LAMA2: variants seen among roughly 807,000 people sequenced by gnomAD.
LAMA2 encodes the protein laminin subunit alpha-2.
A neutral mutation model predicts 364.8 loss-of-function variants in LAMA2; 269 were observed. The observed-to-expected ratio is 0.74, with a 90% CI of 0.67 to 0.82. LAMA2 has a LOEUF of 0.82. Ranked by LOEUF, LAMA2 falls within the 40% of genes least tolerant of loss-of-function variation. The pLI is 0.00. For missense variants in LAMA2, 3,807 were observed against 3,873.2 expected (o/e 0.98, Z 0.45); for synonymous variants, 1,379 against 1,370.6 (o/e 1.01, Z -0.14).
Position 129,383,135 on chromosome 6 carries a change from C to G in LAMA2, c.4973C>G (p.Thr1658Arg), listed in dbSNP as rs757751668. The G allele has an allele frequency of 6.2e-7, 1 of 1,613,572 alleles. No individual in the cohort carries two copies. The highest frequency in any genetic ancestry group is 8.5e-7 in the Non-Finnish European group (1 of 1,179,744). The change falls in exon 35 of 65, where the codon ACA becomes AGA. Residue 1658 changes from threonine to arginine, a missense_variant. By Grantham distance (71) the Thr-to-Arg change is moderately conservative. Transcript: ENST00000421865. ...NELLTRATKV[T>R]ADGEQTGQDA... ...TTGGATCATTAGGCTACCAAAGTGACAGCAGATGGCGAGCAGACCGGACAG... is the reference window on the plus strand; with the variant it reads ...TTGGATCATTAGGCTACCAAAGTGAGAGCAGATGGCGAGCAGACCGGACAG...
chr6:128,903,710 G>A (rs1777231526), intron 1 of LAMA2, among the ~76,000 whole-genome samples: 1 of 152,106 alleles, frequency 6.6e-6, no homozygotes, highest in South Asian at 2.1e-4. Context: ...ATATAATAAT[G>A]CTTAGAACAT....
intron 12 of LAMA2, among the ~76,000 whole-genome samples, chr6:129,234,830 T>C (rs1390015887): frequency 3.5e-4 from 54 of 152,162 alleles, no homozygotes; most frequent in Admixed American, 3.5e-3. Context: ...TATTATCGAC[T>C]CTGTGTCTTT....
intron 22 of LAMA2, among the ~76,000 whole-genome samples, chr6:129,304,853 T>C (rs1169953861): frequency 6.6e-6 from 1 of 152,232 alleles, no homozygotes; most frequent in African/African-American, 2.4e-5. Context: ...ATTTCAGACC[T>C]TTTGAAAATT....
At chr6:129,216,049 C>T (rs1783404458) in intron 12 of LAMA2, among the ~76,000 whole-genome samples, 1 of 151,982 alleles carries the variant, frequency 6.6e-6, no homozygotes, top group African/African-American at 2.4e-5. Flanking sequence ...CTGTGCAAGG[C>T]AAAAATGAGC....
At chr6:129,369,082 G>T (rs1777931098) in intron 33 of LAMA2, among the ~76,000 whole-genome samples, 1 of 152,182 alleles carries the variant, frequency 6.6e-6, no homozygotes, top group South Asian at 2.1e-4. Context: ...TTCAGAAGTG[G>T]GAGTAATTCT....
At chr6:128,925,718 A>T (rs149597000) in intron 1 of LAMA2, among the ~76,000 whole-genome samples, 1 of 152,214 alleles carries the variant, frequency 6.6e-6, no homozygotes, top group Middle Eastern at 3.2e-3. Flanking sequence ...CCTCACTCCC[A>T]GTGCTCTATA....
intron 28 of LAMA2, among the ~76,000 whole-genome samples, chr6:129,327,025 T>G (rs1775345666): frequency 6.6e-6 from 1 of 151,814 alleles, no homozygotes; most frequent in Non-Finnish European, 1.5e-5. Flanking sequence ...TAAACTTTAT[T>G]AAATTATATG....
chr6:129,032,844 T>G (rs1786335663), intron 1 of LAMA2, among the ~76,000 whole-genome samples: 1 of 152,146 alleles, frequency 6.6e-6, no homozygotes, highest in Non-Finnish European at 1.5e-5. Flanking sequence ...CAATAACGAC[T>G]CCCGGTTTTC....
chr6:129,096,276 G>C (rs989702760), intron 3 of LAMA2, among the ~76,000 whole-genome samples: 5 of 152,036 alleles, frequency 3.3e-5, no homozygotes, highest in African/African-American at 1.2e-4. Context: ...TCCTACTTTT[G>C]CCCTTTCTCT....
intron 33 of LAMA2, among the ~76,000 whole-genome samples, 192 bp from the exon 34 acceptor site, chr6:129,369,700 T>G (rs1777963159): frequency 6.6e-6 from 1 of 152,222 alleles, no homozygotes; most frequent in South Asian, 2.1e-4. Context: ...AATAAGTCAC[T>G]GCAATTTTTA....
intron 1 of LAMA2, among the ~76,000 whole-genome samples, chr6:129,009,385 G>A (rs569349918): frequency 1.3e-5 from 2 of 151,866 alleles, no homozygotes; most frequent in African/African-American, 4.8e-5. Context: ...TTTGGCAAAT[G>A]TTGCATTTTT....
At position 129,454,250 on chromosome 6, in the gene LAMA2, T is replaced by A; in HGVS notation, c.6669T>A (p.Thr2223=). The change falls in exon 47 of 65, where the codon ACT becomes ACA. Residue 2223 remains threonine, a synonymous_variant. Transcript: ENST00000421865. The part of the protein sequence containing the change: ...GVGRVEYPDL[T]IDDSYWYRIV... The stretch of plus-strand genomic sequence containing the variant: ...GACGTGTAGAGTACCCAGATTTGAC[T>A]ATTGATGACTCATATTGGTACCGTA... 1 of 1,612,266 alleles carries A rather than the reference T, an allele frequency of 6.2e-7. No homozygotes were observed. Among genetic ancestry groups the A allele is most frequent in the Non-Finnish European group, 8.5e-7 (1 of 1,178,542 alleles).
intron 1 of LAMA2, among the ~76,000 whole-genome samples, chr6:128,980,294 C>A (rs984494686): frequency 6.6e-6 from 1 of 152,144 alleles, no homozygotes. Context: ...GTAAATATGT[C>A]AACTTTTTGC....
At chr6:129,045,188 T>C (rs1415512969) in intron 1 of LAMA2, among the ~76,000 whole-genome samples, 2 of 152,156 alleles carry the variant, frequency 1.3e-5, no homozygotes, top group African/African-American at 4.8e-5. Context: ...ACAAGGCAAT[T>C]AAATTGTGCA....
chr6:129,060,760 A>C (rs1161298047), intron 3 of LAMA2, among the ~76,000 whole-genome samples: 1 of 152,218 alleles, frequency 6.6e-6, no homozygotes, highest in African/African-American at 2.4e-5. Context: ...TGCCACCAGC[A>C]TGAGTACAAT....
chr6:128,943,726 G>A (rs544861417), intron 1 of LAMA2, among the ~76,000 whole-genome samples: 8 of 152,288 alleles, frequency 5.3e-5, no homozygotes, highest in Non-Finnish European at 8.8e-5. Flanking sequence ...CATGGATAAT[G>A]TACAAGAAAA....
At chr6:128,904,083 CG>C (rs1167617343) in intron 1 of LAMA2, among the ~76,000 whole-genome samples, 1 of 152,160 alleles carries the variant, frequency 6.6e-6, no homozygotes, top group Non-Finnish European at 1.5e-5. Context: ...CAGGGACCAA[CG>C]CCCAGGACAT....
chr6:129,503,257 A>G lies in LAMA2; in HGVS notation c.8524A>G (p.Ile2842Val), dbSNP rs140178576. 1.4e-4 allele frequency: 229 copies of G among 1,614,002 alleles called. No individual in the cohort carries two copies. Among genetic ancestry groups the G allele is most frequent in the Non-Finnish European group, 1.9e-4 (221 of 1,179,988 alleles). ...CACCCACACCATGATCCCCACCAAA[A>G]TCAATGATGGCCAGTGGCACAAGGT... Reference protein sequence around the residue: ...GDTHTMIPTKINDGQWHKIKI... With the variant: ...GDTHTMIPTKVNDGQWHKIKI... Residue 2842 changes from isoleucine to valine, a missense_variant, in exon 60 of 65, where the codon ATC becomes GTC. Coordinates refer to ENST00000421865, the MANE Select transcript of LAMA2 (RefSeq NM_000426.4).
chr6:129,254,165 C>G (rs1786466452), intron 14 of LAMA2, among the ~76,000 whole-genome samples: 1 of 152,192 alleles, frequency 6.6e-6, no homozygotes, highest in Admixed American at 6.5e-5. Context: ...TAAATTGAAG[C>G]TCAACAAAAA....
Sources: gnomAD v4.1 joint callset for allele counts (sites outside exome capture counted in the v4.1 genomes callset) on GRCh38, gnomAD v4.1.1 for gene constraint, MANE v1.5 for transcripts, NCBI Gene and HGNC (gene_info 2026-07-23, HGNC 2026-07-21) for gene names.